The following PRKDC variants were observed in gnomAD, a reference collection of about 807,000 sequenced individuals.
PRKDC encodes DNA-dependent protein kinase catalytic subunit.
PRKDC carries 82 observed loss-of-function variants against 486.9 expected under a neutral mutation model. The ratio of observed to expected loss-of-function variants is 0.17; its 90% confidence interval spans 0.14 to 0.20. The LOEUF is 0.20. Ranked by LOEUF, PRKDC falls within the 10% of genes least tolerant of loss-of-function variation. The pLI is 1.00. For missense variants in PRKDC, 4,504 were observed against 5,038.2 expected (o/e 0.89, Z 3.21); for synonymous variants, 1,895 against 1,837.0 (o/e 1.03, Z -0.81).
chr8:47,785,695 C>G (rs903703539), intron 76 of PRKDC, among the ~76,000 whole-genome samples: 5 of 151,940 alleles, frequency 3.3e-5, no homozygotes, highest in Non-Finnish European at 5.9e-5. Flanking sequence ...ATGATGATGC[C>G]ACTGCACTCC....
At chr8:47,951,055 C>T (rs1336121931) in intron 7 of PRKDC, among the ~76,000 whole-genome samples, 1 of 152,122 alleles carries the variant, frequency 6.6e-6, no homozygotes, top group Non-Finnish European at 1.5e-5. Context: ...ATAATCAACA[C>T]AGTGAAAAGG....
chr8:47,937,347 A>G (rs2090369498), intron 11 of PRKDC, among the ~76,000 whole-genome samples: 1 of 152,242 alleles, frequency 6.6e-6, no homozygotes, highest in African/African-American at 2.4e-5. Context: ...TTATTCACAC[A>G]GGAAGCATTT....
intron 40 of PRKDC, among the ~76,000 whole-genome samples, chr8:47,865,791 T>C (rs2088794876): frequency 6.6e-6 from 1 of 152,086 alleles, no homozygotes; most frequent in African/African-American, 2.4e-5. Flanking sequence ...ATTCCTATGT[T>C]GAAACCCTGA....
chr8:47,959,848 C>A, intron 1 of PRKDC, 125 bp downstream of exon 1: 1 of 1,431,018 alleles, frequency 7.0e-7, no homozygotes, highest in South Asian at 1.4e-5. Flanking sequence ...GAAATTCCCC[C>A]AAGAATCTAA....
chr8:47,922,001 G>C (rs532158671), intron 21 of PRKDC, among the ~76,000 whole-genome samples: 1 of 152,054 alleles, frequency 6.6e-6, no homozygotes, highest in Non-Finnish European at 1.5e-5. Flanking sequence ...GGTTGGTCTC[G>C]AACTCATGAC....
chr8:47,955,784 C>A, intron 4 of PRKDC, 90 bp downstream of exon 4: 1 of 1,043,476 alleles, frequency 9.6e-7, no homozygotes, highest in East Asian at 2.6e-5. Context: ...CTTCCCCAAA[C>A]ACATCACCCA....
chr8:47,798,182 CG>C (rs1240137999), intron 73 of PRKDC, 54 bp downstream of exon 73: 1 of 1,552,140 alleles, frequency 6.4e-7, no homozygotes. Flanking sequence ...TATAAATAAG[CG>C]TATCTTTAAG....
chr8:47,914,152 C>A, intron 23 of PRKDC, 88 bp from the exon 24 acceptor site: 1 of 1,172,284 alleles, frequency 8.5e-7, no homozygotes, highest in Non-Finnish European at 1.1e-6. Flanking sequence ...TTTCTAATGC[C>A]AGCTGTTCTA....
Position 47,889,171 on chromosome 8 carries a change from T to C in PRKDC, c.4123A>G (p.Thr1375Ala). 1 of 1,613,908 alleles carries C rather than the reference T, an allele frequency of 6.2e-7. No individual in the cohort carries two copies. The change falls in exon 33 of 86, where the codon ACG becomes GCG. Residue 1375 changes from threonine (T) to alanine (A), a missense_variant. Around this residue, in one of 6 missense-constraint regions of PRKDC, gnomAD observed 1,969 missense variants for 2,068.9 expected, o/e 0.95. Transcript: ENST00000314191. ...CCTATGCTTGCGGGCTCACACAGCG[T>C]CTGCACCAGGACTCTCATCAGGTGT... ...NTHLMRVLVQ[T>A]LCEPASIGFN...
At chr8:47,872,500 GTA>G (rs1491351676) in intron 40 of PRKDC, among the ~76,000 whole-genome samples, 1 of 64,026 alleles carries the variant, frequency 1.6e-5, no homozygotes, top group African/African-American at 7.3e-5. Context: ...ATATAAAAAA[GTA>G]AAAAAAAAAA....
intron 56 of PRKDC, among the ~76,000 whole-genome samples, chr8:47,838,153 T>G (rs770853865): frequency 2.6e-5 from 4 of 151,100 alleles, no homozygotes; most frequent in South Asian, 2.1e-4. Flanking sequence ...TAAAATAAAA[T>G]AAATGTATGT....
chr8:47,858,392 A>G, intron 48 of PRKDC, 124 bp downstream of exon 48: 1 of 941,524 alleles, frequency 1.1e-6, no homozygotes, highest in South Asian at 2.0e-5. Context: ...CTGCCCCTTT[A>G]TATTTTCCTT....
At chr8:47,801,547 A>G (rs1041074148) in intron 70 of PRKDC, among the ~76,000 whole-genome samples, 2 of 152,208 alleles carry the variant, frequency 1.3e-5, no homozygotes, top group Admixed American at 1.3e-4. Flanking sequence ...TTATGAATTA[A>G]CTTTTTATTC....
In PRKDC at chr8:47,837,191, TGA is replaced by T. The variant is rs1563760220; in HGVS notation, c.7761+19_7761+20del. 2 of 1,592,168 alleles carry T rather than the reference TGA, an allele frequency of 1.3e-6. No homozygotes were observed. The highest frequency in any genetic ancestry group is 1.7e-5 in the Admixed American group (1 of 59,412). On this transcript the variant is annotated intron_variant, in intron 57 of 85. Transcript: ENST00000314191. ...GAAAAGCCTATAATATTCACTACTATGAGAGAGAAGACCACATTACCTGAAAT... is the reference window on the plus strand; with the variant it reads ...GAAAAGCCTATAATATTCACTACTATGAGAGAAGACCACATTACCTGAAAT...
chr8:47,843,627 A>C (rs542854503), intron 54 of PRKDC, among the ~76,000 whole-genome samples: 1 of 152,292 alleles, frequency 6.6e-6, no homozygotes, highest in East Asian at 1.9e-4. Flanking sequence ...GAAAGAAAAA[A>C]TTTTAAAGGC....
At chr8:47,856,322 G>A (rs2088539447) in intron 49 of PRKDC, among the ~76,000 whole-genome samples, 1 of 152,018 alleles carries the variant, frequency 6.6e-6, no homozygotes, top group Non-Finnish European at 1.5e-5. Context: ...CCGCCTCCCG[G>A]GTTTAAGCAA....
At chr8:47,864,862 A>G in intron 40 of PRKDC, 99 bp from the exon 41 acceptor site, 1 of 1,056,270 alleles carries the variant, frequency 9.5e-7, no homozygotes, top group Non-Finnish European at 1.3e-6. Flanking sequence ...CAGTGATTAC[A>G]AATTACAAAA....
chr8:47,902,910 C>G, intron 26 of PRKDC, 115 bp from the exon 27 acceptor site: 1 of 685,388 alleles, frequency 1.5e-6, no homozygotes, highest in Non-Finnish European at 2.2e-6. Context: ...ATTTATAGCA[C>G]TAGTCAAGAA....
At chr8:47,926,111 T>C (rs1284316698) in intron 21 of PRKDC, among the ~76,000 whole-genome samples, 7 of 152,174 alleles carry the variant, frequency 4.6e-5, no homozygotes, top group Non-Finnish European at 1.0e-4. Flanking sequence ...AAAAAGAAAA[T>C]TAAATACTAT....
Sources: allele counts gnomAD v4.1 joint callset (sites outside exome capture counted in the v4.1 genomes callset), GRCh38; gene constraint gnomAD v4.1.1; regional missense constraint gnomAD v4.1.1; transcripts MANE v1.5; gene names NCBI Gene and HGNC (gene_info 2026-07-23, HGNC 2026-07-21).